Variants in AKAP13 observed in about 807,000 individuals in gnomAD.
AKAP13 encodes the protein A-kinase anchor protein 13.
A neutral mutation model predicts 264.5 loss-of-function variants in AKAP13; 80 were observed. The observed-to-expected ratio is 0.30, with a 90% confidence interval of 0.25 to 0.36. The LOEUF (loss-of-function observed/expected upper bound fraction) is 0.36, where lower values mean the gene tolerates loss of function less well. Ranked by LOEUF, AKAP13 falls within the 10% of genes least tolerant of loss-of-function variation. The probability of loss-of-function intolerance (pLI) is 1.00; values close to 1 mark genes in which losing one functional copy is unlikely to be tolerated. For synonymous variants in AKAP13, 1,380 were observed against 1,250.2 expected, an observed-to-expected ratio of 1.10 and a Z score of -2.19; for missense variants, 3,712 against 3,435.2, an observed-to-expected ratio of 1.08 and a Z score of -2.01.
chr15:85,451,300 T>C (rs560099946), intron 1 of AKAP13, among the ~76,000 whole-genome samples: 31 of 152,350 alleles, frequency 2.0e-4, no homozygotes, highest in Admixed American at 9.8e-4. Context: ...GAAGACAGCA[T>C]ACCATTGGGT....
chr15:85,714,595 C>T (rs1361059347), intron 19 of AKAP13, among the ~76,000 whole-genome samples: 2 of 152,262 alleles, frequency 1.3e-5, no homozygotes, highest in Non-Finnish European at 2.9e-5. Flanking sequence ...CTAACAGGCA[C>T]TCCAGATGTC....
chr15:85,475,581 C>T (rs1236508924), intron 1 of AKAP13, among the ~76,000 whole-genome samples: 1 of 152,184 alleles, frequency 6.6e-6, no homozygotes, highest in East Asian at 1.9e-4. Flanking sequence ...CTCCCCTTCA[C>T]TTTGAGGTTG....
At chr15:85,716,616 T>C (rs2086963915) in intron 20 of AKAP13, among the ~76,000 whole-genome samples, 1 of 152,216 alleles carries the variant, frequency 6.6e-6, no homozygotes, top group South Asian at 2.1e-4. Context: ...AACTAAAGGA[T>C]GCAAAAGTCT....
chr15:85,637,969 G>A lies in AKAP13; in HGVS notation c.4162-1405G>A, dbSNP rs1165362946. 2.0e-5 allele frequency among the ~76,000 whole-genome samples: 3 copies of A among 147,742 alleles called. No individual in the cohort carries two copies. The South Asian group carries it at 6.5e-4, about 32-fold the overall frequency. ...TCACTCACTGCAAGCTTTGCCTCCC[G>A]GGTTCATGCCGTTCTGCCTCAGCCT... On this transcript the variant is annotated intron_variant, in intron 8 of 36. Coordinates refer to ENST00000394518, the MANE Select transcript of AKAP13 (RefSeq NM_007200.5).
intron 23 of AKAP13, among the ~76,000 whole-genome samples, chr15:85,720,854 G>C (rs762513540): frequency 2.6e-5 from 4 of 152,182 alleles, no homozygotes; most frequent in African/African-American, 9.7e-5. Context: ...TACAAAGGGG[G>C]ATATGGCTTA....
intron 5 of AKAP13, among the ~76,000 whole-genome samples, chr15:85,564,217 T>A (rs1011397305): frequency 6.6e-6 from 1 of 152,228 alleles, no homozygotes; most frequent in Admixed American, 6.5e-5. Flanking sequence ...TAAAATGTTT[T>A]ACATTTAACT....
chr15:85,679,655 T>C (rs1490415184), intron 14 of AKAP13, among the ~76,000 whole-genome samples: 1 of 152,236 alleles, frequency 6.6e-6, no homozygotes, highest in African/African-American at 2.4e-5. Context: ...CGGAACACAC[T>C]CTGAAAAATA....
At chr15:85,619,927 A>G (rs1162826783) in intron 8 of AKAP13, 1 of 1,435,962 alleles carries the variant, frequency 7.0e-7, no homozygotes. Flanking sequence ...TTTTTAATTC[A>G]TTGTTTTTGA....
chr15:85,551,203 G>A (rs2151233036), intron 5 of AKAP13, among the ~76,000 whole-genome samples: 1 of 152,212 alleles, frequency 6.6e-6, no homozygotes, highest in South Asian at 2.1e-4. Context: ...ACAACTTTAA[G>A]CATTTTGACA....
chr15:85,691,358 A>C (rs17636864), intron 16 of AKAP13, among the ~76,000 whole-genome samples: 28,637 of 152,190 alleles, frequency 0.19, 3,576 homozygotes, highest in Middle Eastern at 0.41. Flanking sequence ...GCATGGTTAT[A>C]TCCCCATGGT....
chr15:85,423,641 A>C (rs368655278), intron 1 of AKAP13, among the ~76,000 whole-genome samples: 3 of 152,110 alleles, frequency 2.0e-5, no homozygotes, highest in East Asian at 3.8e-4. Flanking sequence ...GCTTCTTCCA[A>C]AACTCCTGTT....
At chr15:85,396,039 C>CACAT (rs1223659672) in intron 1 of AKAP13, among the ~76,000 whole-genome samples, 1 of 151,974 alleles carries the variant, frequency 6.6e-6, no homozygotes, top group Non-Finnish European at 1.5e-5. Flanking sequence ...CACACACACA[C>CACAT]ACACATACAT....
At chr15:85,513,909 T>G (rs1402127568) in intron 2 of AKAP13, among the ~76,000 whole-genome samples, 1 of 138,696 alleles carries the variant, frequency 7.2e-6, no homozygotes, top group Non-Finnish European at 1.5e-5. Flanking sequence ...ACCTTGTGTC[T>G]TTCTCAGTGT....
rs1270826328 is a variant in AKAP13 at position 85,718,990 on chromosome 15, T to A, written c.6002-86T>A. ...TTAAGGTTCAAATTGGGCTCTAAACTAGCTTTGGGACTGCAGCAGATGATC... is the reference window on the plus strand; with the variant it reads ...TTAAGGTTCAAATTGGGCTCTAAACAAGCTTTGGGACTGCAGCAGATGATC... On this transcript the variant is annotated intron_variant, in intron 22 of 36. Transcript: ENST00000394518. The surrounding 1 kb of genome is among the most constrained non-coding windows in gnomAD (Gnocchi z 4.9). The A allele has an allele frequency of 6.4e-7, 1 of 1,553,094 alleles. No individual in the cohort carries two copies. Among genetic ancestry groups the A allele is most frequent in the Non-Finnish European group, 8.7e-7 (1 of 1,149,454 alleles).
chr15:85,686,960 A>G (rs1597060225), intron 16 of AKAP13, among the ~76,000 whole-genome samples: 2 of 152,346 alleles, frequency 1.3e-5, no homozygotes, highest in South Asian at 2.1e-4. Context: ...TCTTCAAACA[A>G]GCTTTTCGTG....
intron 1 of AKAP13, among the ~76,000 whole-genome samples, chr15:85,453,078 C>T (rs2074149130): frequency 6.6e-6 from 1 of 152,086 alleles, no homozygotes; most frequent in South Asian, 2.1e-4. Flanking sequence ...GTGTGTGGGA[C>T]CTGTGGGAGA....
At chr15:85,641,484 A>G (rs1248442298) in intron 9 of AKAP13, among the ~76,000 whole-genome samples, 1 of 139,348 alleles carries the variant, frequency 7.2e-6, no homozygotes, top group Non-Finnish European at 1.5e-5. Context: ...AAATAAATAA[A>G]TAAATAAATA....
intron 1 of AKAP13, among the ~76,000 whole-genome samples, chr15:85,453,158 C>T (rs1387043630): frequency 1.3e-5 from 2 of 152,192 alleles, no homozygotes; most frequent in African/African-American, 4.8e-5. Context: ...AATGTCTTTG[C>T]TCCTTCATCA....
chr15:85,680,190 A>C (rs1234601996), intron 14 of AKAP13, among the ~76,000 whole-genome samples: 3 of 152,166 alleles, frequency 2.0e-5, no homozygotes, highest in African/African-American at 4.8e-5. Flanking sequence ...TTACTAGGTA[A>C]TTGCTTAAAT....
Sources: allele counts gnomAD v4.1 joint callset (sites outside exome capture counted in the v4.1 genomes callset), GRCh38; gene constraint gnomAD v4.1.1; non-coding constraint Gnocchi (gnomAD v3.1); transcripts MANE v1.5; gene names NCBI Gene and HGNC (gene_info 2026-07-23, HGNC 2026-07-21).